Variants in GARIN1B observed in about 807,000 individuals in gnomAD.
The protein encoded by GARIN1B is Golgi-associated RAB2 interactor protein 1B.
chr7:128,712,141 A>G, the GARIN1B span, among the ~76,000 whole-genome samples: 1 of 152,240 alleles, frequency 6.6e-6, no homozygotes, highest in African/African-American at 2.4e-5. Context: ...AAATAGTGAC[A>G]TAGATTTAAA....
At chr7:128,715,590 C>T in the GARIN1B span, 3 of 1,614,096 alleles carry the variant, frequency 1.9e-6, no homozygotes, top group South Asian at 2.2e-5. Context: ...AACCCTGGAG[C>T]GGGCCTAGGT....
At chr7:128,730,294 G>A in the GARIN1B span, among the ~76,000 whole-genome samples, 16 of 152,288 alleles carry the variant, frequency 1.1e-4, no homozygotes, top group African/African-American at 2.4e-4. Flanking sequence ...TGCTGTTGAC[G>A]CTATAGCTGC....
At chr7:128,714,249 A>G in the GARIN1B span, 1 of 1,064,472 alleles carries the variant, frequency 9.4e-7, no homozygotes, top group African/African-American at 1.6e-5. Context: ...TATGTGTTAC[A>G]TTTGACCTTG....
the GARIN1B span, among the ~76,000 whole-genome samples, chr7:128,714,951 G>A: frequency 6.6e-6 from 1 of 152,214 alleles, no homozygotes; most frequent in Non-Finnish European, 1.5e-5. Context: ...CCCTGCAACT[G>A]CTTCCATAAC....
the GARIN1B span, among the ~76,000 whole-genome samples, chr7:128,727,126 C>CCAGCCCTTCT: frequency 6.6e-6 from 1 of 152,182 alleles, no homozygotes; most frequent in Non-Finnish European, 1.5e-5. Flanking sequence ...CTACCCCAGC[C>CCAGCCCTTCT]CAGCCCTTCT....
At chr7:128,723,703 G>C in the GARIN1B span, among the ~76,000 whole-genome samples, 1 of 152,090 alleles carries the variant, frequency 6.6e-6, no homozygotes, top group African/African-American at 2.4e-5. Flanking sequence ...GTAGAGACAG[G>C]GTTTCACCAT....
chr7:128,712,310 G>A, the GARIN1B span, among the ~76,000 whole-genome samples: 2 of 152,124 alleles, frequency 1.3e-5, no homozygotes, highest in African/African-American at 2.4e-5. Flanking sequence ...TTTCACTGTG[G>A]TAAAATACAC....
chr7:128,729,363 T>C, the GARIN1B span, among the ~76,000 whole-genome samples: 1 of 152,094 alleles, frequency 6.6e-6, no homozygotes, highest in East Asian at 1.9e-4. Flanking sequence ...GTCCAAACAG[T>C]CCCCCATAGA....
the GARIN1B span, among the ~76,000 whole-genome samples, chr7:128,709,748 C>G: frequency 0.28 from 19,414 of 68,274 alleles, 2,236 homozygotes; most frequent in African/African-American, 0.36. Context: ...CTCTCTCTCT[C>G]TCTTTTTTTT....
chr7:128,716,904 C>T, the GARIN1B span: 1 of 1,614,016 alleles, frequency 6.2e-7, no homozygotes, highest in Non-Finnish European at 8.5e-7. Flanking sequence ...CTGCCCCTCC[C>T]CAACATCCTA....
At chr7:128,722,144 C>G in the GARIN1B span, among the ~76,000 whole-genome samples, 1 of 152,172 alleles carries the variant, frequency 6.6e-6, no homozygotes, top group Non-Finnish European at 1.5e-5. Flanking sequence ...AAAGTATTCC[C>G]TCCTCTATTT....
At chr7:128,714,216 T>A in the GARIN1B span, 2 of 1,325,528 alleles carry the variant, frequency 1.5e-6, no homozygotes, top group Non-Finnish European at 2.1e-6. Context: ...CCTTTGTGTG[T>A]AATGATTGTC....
the GARIN1B span, among the ~76,000 whole-genome samples, chr7:128,722,143 C>G: frequency 4.4e-4 from 67 of 152,200 alleles, no homozygotes; most frequent in Middle Eastern, 6.8e-3. Context: ...GAAAGTATTC[C>G]CTCCTCTATT....
chr7:128,730,150 C>A, the GARIN1B span: 1 of 1,461,458 alleles, frequency 6.8e-7, no homozygotes, highest in Non-Finnish European at 9.3e-7. Context: ...TCCTGGGGTC[C>A]TGAGGGTGAT....
At chr7:128,722,611 C>T in the GARIN1B span, among the ~76,000 whole-genome samples, 5 of 152,226 alleles carry the variant, frequency 3.3e-5, no homozygotes, top group Admixed American at 3.3e-4. Context: ...CGAGACCAGC[C>T]TGGCCAACAT....
the GARIN1B span, chr7:128,717,070 T>C: frequency 7.4e-7 from 1 of 1,355,476 alleles, no homozygotes. Context: ...GCTTGACTAC[T>C]AAACTCAAGG....
the GARIN1B span, chr7:128,718,815 T>C: frequency 6.2e-7 from 1 of 1,610,950 alleles, no homozygotes; most frequent in Non-Finnish European, 8.5e-7. Flanking sequence ...GTGTGTGTCT[T>C]CCCTGGTGGC....
the GARIN1B span, among the ~76,000 whole-genome samples, chr7:128,730,392 G>C: frequency 6.6e-6 from 1 of 151,966 alleles, no homozygotes; most frequent in Non-Finnish European, 1.5e-5. Context: ...TGGAGCTCTT[G>C]AAGGGCCTTC....
the GARIN1B span, chr7:128,715,598 G>A: frequency 6.2e-7 from 1 of 1,614,176 alleles, no homozygotes; most frequent in Non-Finnish European, 8.5e-7. Context: ...AGCGGGCCTA[G>A]GTGTGGAGGA....
Sources: gnomAD v4.1 joint callset for allele counts (sites outside exome capture counted in the v4.1 genomes callset) on GRCh38, gnomAD v4.1.1 for gene constraint, MANE v1.5 for transcripts, NCBI Gene and HGNC (gene_info 2026-07-23, HGNC 2026-07-21) for gene names.